RPIA: variants seen among roughly 807,000 people sequenced by gnomAD.
RPIA encodes ribose 5-phosphate isomerase A.
RPIA carries 29 observed loss-of-function variants against 37.8 expected under a neutral mutation model. That is an observed-to-expected ratio of 0.77 (90% CI 0.57 to 1.05). The LOEUF is 1.05. RPIA is among the 50% of genes least tolerant of loss of function. The probability of loss-of-function intolerance (pLI) is 0.00; values close to 1 mark genes in which losing one functional copy is unlikely to be tolerated. For synonymous variants in RPIA, 167 were observed against 157.0 expected (o/e 1.06, Z -0.48); for missense variants, 385 against 413.6 (o/e 0.93, Z 0.60).
At chr2:88,738,869 G>A (rs1673349370) in intron 8 of RPIA, among the ~76,000 whole-genome samples, 1 of 152,208 alleles carries the variant, frequency 6.6e-6, no homozygotes, top group Non-Finnish European at 1.5e-5. Flanking sequence ...ACAGCACCAA[G>A]ATGGGCACCC....
In RPIA at chr2:88,711,804, T is replaced by C. The variant is rs1209845915; in HGVS notation, c.402+11740T>C. Among the ~76,000 whole-genome samples, 4 of 152,202 alleles carry C rather than the reference T, an allele frequency of 2.6e-5. No homozygotes were observed. In the South Asian group the frequency reaches 6.2e-4, roughly 24 times the overall value. On this transcript the variant is annotated intron_variant, in intron 3 of 8. Transcript: ENST00000283646. ...ATTCTATACTAGGATCAGGTTGGAATTTGGTGTCTTATTGCTACAAATAGT... is the reference window on the plus strand; with the variant it reads ...ATTCTATACTAGGATCAGGTTGGAACTTGGTGTCTTATTGCTACAAATAGT...
At chr2:88,743,555 T>C (rs1359005805) in intron 8 of RPIA, among the ~76,000 whole-genome samples, 6 of 150,456 alleles carry the variant, frequency 4.0e-5, no homozygotes, top group Non-Finnish European at 8.9e-5. Context: ...CTTCATAGAA[T>C]GATTTAGAGA....
At chr2:88,714,488 A>AAC (rs1673008806) in intron 3 of RPIA, among the ~76,000 whole-genome samples, 1 of 152,146 alleles carries the variant, frequency 6.6e-6, no homozygotes, top group Non-Finnish European at 1.5e-5. Context: ...TGCTCCTTTG[A>AAC]AGAGTGCTGG....
At chr2:88,704,081 T>A (rs1424867499) in intron 3 of RPIA, among the ~76,000 whole-genome samples, 1 of 152,206 alleles carries the variant, frequency 6.6e-6, no homozygotes, top group Non-Finnish European at 1.5e-5. Context: ...ATTTTCCATA[T>A]CGCTATCAGC....
Position 88,695,180 on chromosome 2 carries a change from C to T in RPIA, c.285+3197C>T, listed in dbSNP as rs112291630. On this transcript the variant is annotated intron_variant, in intron 1 of 8. Transcript: ENST00000283646. ...ATCATAGCCTTTATAAGCTGGTAAACATGTTTTCCCTGAGTTCTGTGAGCC... is the reference window on the plus strand; with the variant it reads ...ATCATAGCCTTTATAAGCTGGTAAATATGTTTTCCCTGAGTTCTGTGAGCC... 5.8e-3 allele frequency among the ~76,000 whole-genome samples: 883 copies of T among 152,186 alleles called. 9 individuals are homozygous for T. Among genetic ancestry groups the T allele is most frequent in the South Asian group, 0.039 (188 of 4,820 alleles).
Position 88,739,130 on chromosome 2 carries a change from G to C in RPIA, c.838+1054G>C, listed in dbSNP as rs144446866. ...AGGCTAGAGGAGGTATCAAGGGCTCGTACAGGGGGATTAAAAGGAGGAGGC... is the reference window on the plus strand; with the variant it reads ...AGGCTAGAGGAGGTATCAAGGGCTCCTACAGGGGGATTAAAAGGAGGAGGC... On this transcript the variant is annotated intron_variant, in intron 8 of 8. Coordinates refer to ENST00000283646, the MANE Select transcript of RPIA (RefSeq NM_144563.3). Among the ~76,000 whole-genome samples, 16 of 152,288 alleles carry C rather than the reference G, an allele frequency of 1.1e-4. No individual in the cohort carries two copies. The East Asian group carries it at 2.9e-3, about 28-fold the overall frequency.
intron 8 of RPIA, among the ~76,000 whole-genome samples, chr2:88,748,995 A>G (rs556860444): frequency 1.3e-5 from 2 of 152,324 alleles, no homozygotes; most frequent in Admixed American, 1.3e-4. Flanking sequence ...TTCATTCCCA[A>G]AGTGCTGGGA....
intron 1 of RPIA, among the ~76,000 whole-genome samples, chr2:88,698,034 G>A (rs1672779028): frequency 6.6e-6 from 1 of 151,278 alleles, no homozygotes; most frequent in East Asian, 1.9e-4. Flanking sequence ...GCCTCCCTGG[G>A]ATTGGCCAGG....
chr2:88,743,967 G>C (rs781212890), intron 8 of RPIA, among the ~76,000 whole-genome samples: 12 of 151,922 alleles, frequency 7.9e-5, no homozygotes, highest in Non-Finnish European at 1.5e-4. Context: ...CCAGGTTTTT[G>C]TTTCATTTAT....
chr2:88,734,598 A>G lies in RPIA; in HGVS notation c.509A>G (p.Asn170Ser). The G allele has an allele frequency of 1.2e-6, 2 of 1,614,198 alleles. No homozygotes were observed. The highest frequency in any genetic ancestry group is 1.3e-5 in the African/African-American group (1 of 75,052). Residue 170 changes from asparagine to serine, a missense_variant, in exon 5 of 9, where the codon AAT becomes AGT. By Grantham distance (46) the Asn-to-Ser change is conservative (BLOSUM62 1). This residue lies in a region of RPIA where 153 missense variants were observed against 210.6 expected (regional missense o/e 0.73). Transcript: ENST00000283646. ...GCTGATGAAGTAGATGCTGATCTCA[A>G]TCTCATCAAGGGTGGCGGGTGAGTG... is the stretch of plus-strand genomic sequence containing the variant. ...DGADEVDADL[N>S]LIKGGGGCLT...
chr2:88,749,050 T>G (rs113911758), intron 8 of RPIA, among the ~76,000 whole-genome samples: 135 of 152,348 alleles, frequency 8.9e-4, no homozygotes, highest in African/African-American at 3.1e-3. Context: ...CTACTCTTGA[T>G]GGACATTTGG....
intron 8 of RPIA, among the ~76,000 whole-genome samples, chr2:88,746,468 G>A (rs909481087): frequency 3.3e-5 from 5 of 152,230 alleles, no homozygotes; most frequent in South Asian, 2.1e-4. Flanking sequence ...TTGATGGGGT[G>A]TTCTTCGCCT....
chr2:88,741,215 C>G (rs1217971020), intron 8 of RPIA, among the ~76,000 whole-genome samples: 1 of 152,172 alleles, frequency 6.6e-6, no homozygotes, highest in Non-Finnish European at 1.5e-5. Flanking sequence ...GTCCCACTCT[C>G]ACCCTTTCCC....
chr2:88,724,435 T>G (rs1434918167), intron 3 of RPIA, among the ~76,000 whole-genome samples: 1 of 151,982 alleles, frequency 6.6e-6, no homozygotes. Flanking sequence ...GCCTCCCTAG[T>G]AGATGGGATT....
intron 3 of RPIA, among the ~76,000 whole-genome samples, chr2:88,716,548 C>T (rs1673038918): frequency 6.6e-6 from 1 of 152,198 alleles, no homozygotes; most frequent in African/African-American, 2.4e-5. Context: ...GCACTCCTCA[C>T]CCAACTGAGT....
chr2:88,727,678 T>A (rs190226869), intron 3 of RPIA, among the ~76,000 whole-genome samples: 1 of 152,356 alleles, frequency 6.6e-6, no homozygotes, highest in East Asian at 1.9e-4. Flanking sequence ...GATAATGGCC[T>A]CTGGCTCCAT....
intron 3 of RPIA, among the ~76,000 whole-genome samples, chr2:88,721,935 T>C (rs1018995235): frequency 6.6e-6 from 1 of 151,420 alleles, no homozygotes; most frequent in Admixed American, 6.6e-5. Context: ...AGAAAGACCA[T>C]TATAATTTGT....
chr2:88,734,810 C>T (rs1180656049), intron 5 of RPIA, among the ~76,000 whole-genome samples, 194 bp downstream of exon 5: 1 of 152,138 alleles, frequency 6.6e-6, no homozygotes, highest in Non-Finnish European at 1.5e-5. Flanking sequence ...GACAAGGAAC[C>T]TGGGCCTCTT....
At chr2:88,748,860 G>A (rs1190760315) in intron 8 of RPIA, among the ~76,000 whole-genome samples, 1 of 152,010 alleles carries the variant, frequency 6.6e-6, no homozygotes, top group Non-Finnish European at 1.5e-5. Context: ...GCAGGCATGT[G>A]CCAGCATGCT....
Sources: allele counts gnomAD v4.1 joint callset (sites outside exome capture counted in the v4.1 genomes callset), GRCh38; gene constraint gnomAD v4.1.1; regional missense constraint gnomAD v4.1.1; transcripts MANE v1.5; gene names NCBI Gene and HGNC (gene_info 2026-07-23, HGNC 2026-07-21).